Variants in KIAA0513 observed in about 807,000 individuals in gnomAD.
The protein encoded by KIAA0513 is KIAA0513.
A neutral mutation model predicts 56.5 loss-of-function variants in KIAA0513; 39 were observed. That is an observed-to-expected ratio of 0.69 (90% CI 0.53 to 0.90). The LOEUF is 0.90. Ranked by LOEUF, KIAA0513 falls within the 40% of genes least tolerant of loss-of-function variation. KIAA0513 has a pLI of 0.00. For synonymous variants in KIAA0513, 268 were observed against 215.6 expected, an observed-to-expected ratio of 1.24 and a Z score of -2.13; for missense variants, 591 against 535.2, an observed-to-expected ratio of 1.10 and a Z score of -1.03.
At chr16:85,048,425 A>G (rs1433360277) in intron 1 of KIAA0513, among the ~76,000 whole-genome samples, 1 of 152,242 alleles carries the variant, frequency 6.6e-6, no homozygotes, top group Non-Finnish European at 1.5e-5. Context: ...ACCCATGTGC[A>G]GAGCCTCATG....
chr16:85,041,400 C>T (rs906457185), intron 1 of KIAA0513, among the ~76,000 whole-genome samples: 1 of 152,230 alleles, frequency 6.6e-6, no homozygotes, highest in African/African-American at 2.4e-5. Flanking sequence ...AGTTCTGCTC[C>T]TGGGCTCCTA....
intron 1 of KIAA0513, among the ~76,000 whole-genome samples, chr16:85,048,441 C>G (rs775699559): frequency 6.6e-6 from 1 of 152,164 alleles, no homozygotes; most frequent in African/African-American, 2.4e-5. Context: ...TCATGCTGCA[C>G]GATTGGATCT....
chr16:85,086,808 G>T lies in KIAA0513; in HGVS notation c.1091+84G>T, dbSNP rs2073814868. 6 of 1,260,016 alleles carry T rather than the reference G, an allele frequency of 4.8e-6. No homozygotes were observed. The Admixed American group carries it at 1.0e-4, about 21-fold the overall frequency. The allele number at this position is 1,260,016 out of a possible 1,614,324, so 78.1% of individuals were successfully genotyped here. On this transcript the variant is annotated intron_variant, in intron 11 of 12. Transcript: ENST00000683363. ...GTCACACCTGGTATCACACCCTGGG[G>T]TGTGATGTCAGCCTGCTCTGAGGCA... is the stretch of plus-strand genomic sequence containing the variant.
chr16:85,069,204 T>C (rs2073535477), intron 2 of KIAA0513, among the ~76,000 whole-genome samples: 1 of 151,300 alleles, frequency 6.6e-6, no homozygotes, highest in Non-Finnish European at 1.5e-5. Context: ...CTCATTTTTT[T>C]GTGTTTTTTT....
At chr16:85,029,866 A>G (rs2072938732) in intron 1 of KIAA0513, among the ~76,000 whole-genome samples, 1 of 152,234 alleles carries the variant, frequency 6.6e-6, no homozygotes, top group Non-Finnish European at 1.5e-5. Context: ...CTTGGCAGTC[A>G]TGGTGGGTTT....
At chr16:85,056,388 A>G (rs1284984999) in intron 1 of KIAA0513, among the ~76,000 whole-genome samples, 1 of 152,128 alleles carries the variant, frequency 6.6e-6, no homozygotes, top group African/African-American at 2.4e-5. Context: ...TAAGTTCCCC[A>G]TCATACCACA....
intron 1 of KIAA0513, among the ~76,000 whole-genome samples, chr16:85,036,506 T>C (rs1027090512): frequency 3.3e-5 from 5 of 152,158 alleles, no homozygotes; most frequent in African/African-American, 1.2e-4. Context: ...TCCTTTTTAG[T>C]GTGGATGTTT....
intron 12 of KIAA0513, 98 bp downstream of exon 12, chr16:85,087,264 C>A: frequency 1.0e-6 from 1 of 966,576 alleles, no homozygotes; most frequent in Non-Finnish European, 1.7e-6. Flanking sequence ...GAAGGCATGT[C>A]GTGTTGCAGT....
intron 1 of KIAA0513, among the ~76,000 whole-genome samples, chr16:85,057,615 G>A (rs1361173612): frequency 6.6e-6 from 1 of 152,124 alleles, no homozygotes; most frequent in Non-Finnish European, 1.5e-5. Context: ...AAACACACAC[G>A]ACTCCTGACT....
At chr16:85,071,974 T>C in intron 3 of KIAA0513, 92 bp downstream of exon 3, 1 of 859,902 alleles carries the variant, frequency 1.2e-6, no homozygotes, top group Non-Finnish European at 1.9e-6. Flanking sequence ...ACAATGACAC[T>C]CTGGAGAAAA....
chr16:85,060,655 A>G (rs55757943), intron 1 of KIAA0513, among the ~76,000 whole-genome samples: 18,492 of 152,156 alleles, frequency 0.12, 1,213 homozygotes, highest in African/African-American at 0.16. Flanking sequence ...TCTGGGCAAC[A>G]TAGTGAGACC....
intron 1 of KIAA0513, among the ~76,000 whole-genome samples, chr16:85,056,410 G>T (rs981297949): frequency 6.6e-6 from 1 of 152,208 alleles, no homozygotes; most frequent in Admixed American, 6.5e-5. Flanking sequence ...TGCAGCGGTA[G>T]CTCTTTCCAT....
Sources: gnomAD v4.1 joint callset for allele counts (sites outside exome capture counted in the v4.1 genomes callset) on GRCh38, gnomAD v4.1.1 for gene constraint, MANE v1.5 for transcripts, NCBI Gene and HGNC (gene_info 2026-07-23, HGNC 2026-07-21) for gene names.